SNX9: variants seen among roughly 807,000 people sequenced by gnomAD.
SNX9 encodes the protein sorting nexin-9.
In SNX9, 44 loss-of-function variants were observed where a neutral mutation model predicts 89.4. That is an observed-to-expected ratio of 0.49 (90% CI 0.39 to 0.63). SNX9 has a LOEUF of 0.63. Among genes scored for constraint, SNX9 ranks in the 30% least tolerant of loss-of-function variants. The pLI is 0.00. For synonymous variants in SNX9, 236 were observed against 247.8 expected (o/e 0.95, Z 0.45); for missense variants, 578 against 736.1 (o/e 0.79, Z 2.49).
At chr6:157,927,751 G>T (rs1211114735) in intron 11 of SNX9, among the ~76,000 whole-genome samples, 1 of 128,810 alleles carries the variant, frequency 7.8e-6, no homozygotes, top group Non-Finnish European at 1.6e-5. Context: ...TTTTGAGACG[G>T]AGTCTTGCTC....
chr6:157,907,495 A>G (rs1384292381), intron 7 of SNX9, among the ~76,000 whole-genome samples: 2 of 152,296 alleles, frequency 1.3e-5, no homozygotes, highest in East Asian at 1.9e-4. Flanking sequence ...CATATTGGCC[A>G]GGCTGGTCTT....
intron 9 of SNX9, among the ~76,000 whole-genome samples, chr6:157,915,842 A>G (rs1277361796): frequency 6.7e-6 from 1 of 148,442 alleles, no homozygotes; most frequent in Admixed American, 6.7e-5. Context: ...AAAAAGATTT[A>G]TATGTAAGAA....
intron 4 of SNX9, among the ~76,000 whole-genome samples, chr6:157,886,047 C>T (rs779368462): frequency 5.9e-5 from 9 of 152,178 alleles, no homozygotes; most frequent in Non-Finnish European, 1.0e-4. Context: ...AGACAGACGT[C>T]GTGGTGCCAT....
chr6:157,942,896 A>G lies in SNX9; in HGVS notation c.*58A>G, dbSNP rs941985071. The G allele has an allele frequency of 7.9e-6, 12 of 1,516,078 alleles. No homozygotes were observed. The highest frequency in any genetic ancestry group is 6.3e-5 in the South Asian group (5 of 79,858). The allele number at this position is 1,516,078 out of a possible 1,614,324, so 93.9% of individuals were successfully genotyped here. On this transcript the variant is annotated 3_prime_UTR_variant, in exon 18 of 18. Transcript: ENST00000392185. ...CTTTCTCCTGACTTGGGGCAATGCA[A>G]TTCAAAACTTTTTTTCCCCTATTAT...
intron 9 of SNX9, among the ~76,000 whole-genome samples, chr6:157,911,467 A>G (rs1253619486): frequency 6.6e-6 from 1 of 152,230 alleles, no homozygotes; most frequent in Non-Finnish European, 1.5e-5. Context: ...GCCAGGTGGC[A>G]GTGCCAGATG....
At position 157,901,773 on chromosome 6, in the gene SNX9, C is replaced by T. The variant is rs1783101557; in HGVS notation, c.473-125C>T. The T allele has an allele frequency of 4.5e-6, 5 of 1,118,492 alleles. 1 individual carries two copies. In the South Asian group the frequency reaches 6.6e-5, roughly 15 times the overall value. 69.3% of individuals were successfully genotyped at this position (1,118,492 alleles called of 1,614,324 possible). A position where few individuals can be genotyped will look rare whatever the true frequency, so the allele number is the denominator to read the frequency against. On this transcript the variant is annotated intron_variant, in intron 5 of 17. Coordinates refer to ENST00000392185, the MANE Select transcript of SNX9 (RefSeq NM_016224.5). ...CCATATTATACTCCTATACTATACC[C>T]TTTTCTCCATCAAAAAAAAATTGAT...
chr6:157,900,429 C>G (rs1783071512), intron 5 of SNX9, among the ~76,000 whole-genome samples: 1 of 152,170 alleles, frequency 6.6e-6, no homozygotes, highest in South Asian at 2.1e-4. Flanking sequence ...TGGCCAGCAG[C>G]CCGCAATGCA....
At chr6:157,877,122 G>A (rs6455865) in intron 4 of SNX9, among the ~76,000 whole-genome samples, 19,173 of 152,202 alleles carry the variant, frequency 0.13, 1,955 homozygotes, top group African/African-American at 0.28. Flanking sequence ...GATAGGTGGA[G>A]GCAGTTTAGC....
intron 4 of SNX9, chr6:157,892,563 A>G (rs905961405): frequency 1.3e-5 from 2 of 152,224 alleles, no homozygotes; most frequent in Admixed American, 1.3e-4. Flanking sequence ...CACATACATA[A>G]CCAACTAGTA....
intron 1 of SNX9, among the ~76,000 whole-genome samples, chr6:157,835,336 T>A (rs1306305667): frequency 6.6e-6 from 1 of 152,090 alleles, no homozygotes; most frequent in Non-Finnish European, 1.5e-5. Flanking sequence ...TATTCTAATA[T>A]TTACTTCTAT....
chr6:157,879,377 C>T (rs188835072), intron 4 of SNX9, among the ~76,000 whole-genome samples: 2 of 152,172 alleles, frequency 1.3e-5, no homozygotes, highest in African/African-American at 4.8e-5. Context: ...TTAAAAGGCA[C>T]CTCAGTATGG....
intron 1 of SNX9, among the ~76,000 whole-genome samples, chr6:157,844,408 G>A (rs1345344492): frequency 4.9e-5 from 7 of 142,804 alleles, no homozygotes; most frequent in African/African-American, 2.0e-4. Flanking sequence ...CCTGGGTGGG[G>A]GCCACAAGAT....
At chr6:157,935,864 T>G in intron 13 of SNX9, 100 bp from the exon 14 acceptor site, 5 of 841,212 alleles carry the variant, frequency 5.9e-6, no homozygotes, top group Non-Finnish European at 8.8e-6. Context: ...TTTGAAAGTT[T>G]CTATAATAAA....
At chr6:157,937,040 T>G (rs1407725297) in intron 14 of SNX9, among the ~76,000 whole-genome samples, 2 of 151,024 alleles carry the variant, frequency 1.3e-5, no homozygotes, top group African/African-American at 4.9e-5. Context: ...TGGAAAAATT[T>G]AAAATTACCA....
intron 1 of SNX9, among the ~76,000 whole-genome samples, chr6:157,857,207 T>C (rs183052057): frequency 6.6e-6 from 1 of 152,316 alleles, no homozygotes. Flanking sequence ...TCTTCCACAT[T>C]TGGACAGCAA....
intron 12 of SNX9, among the ~76,000 whole-genome samples, chr6:157,929,808 G>A (rs914110125): frequency 1.3e-5 from 2 of 152,096 alleles, no homozygotes; most frequent in African/African-American, 2.4e-5. Context: ...GGAGTGACTT[G>A]TAGATGAATT....
At chr6:157,828,721 CT>C (rs1382490682) in intron 1 of SNX9, among the ~76,000 whole-genome samples, 1 of 152,076 alleles carries the variant, frequency 6.6e-6, no homozygotes, top group African/African-American at 2.4e-5. Context: ...GTGATCCTTC[CT>C]CCTCAGCCCC....
intron 10 of SNX9, 33 bp from the exon 11 acceptor site, chr6:157,927,078 T>C (rs1253523638): frequency 1.3e-6 from 2 of 1,544,802 alleles, no homozygotes; most frequent in East Asian, 4.5e-5. Flanking sequence ...GACTGTGCTC[T>C]CCACTTGAAC....
rs921430923 is a variant in SNX9 at position 157,826,976 on chromosome 6, A to G, written c.12+3530A>G. On this transcript the variant is annotated intron_variant, in intron 1 of 17. Transcript: ENST00000392185. ...TATAGTTTATATAATATATACATATATATTATAGTTTATATAATATATACA... is the reference window on the plus strand; with the variant it reads ...TATAGTTTATATAATATATACATATGTATTATAGTTTATATAATATATACA... Among the ~76,000 whole-genome samples the G allele has an allele frequency of 6.1e-4, 34 of 55,984 alleles. No homozygotes were observed. In the East Asian group the frequency reaches 7.8e-3, roughly 13 times the overall value. 36.7% of individuals were successfully genotyped at this position (55,984 alleles called of 152,430 possible).
Sources: gnomAD v4.1 joint callset for allele counts (sites outside exome capture counted in the v4.1 genomes callset) on GRCh38, gnomAD v4.1.1 for gene constraint, MANE v1.5 for transcripts, NCBI Gene and HGNC (gene_info 2026-07-23, HGNC 2026-07-21) for gene names.